The following GPR89B variants were observed in gnomAD, a reference collection of about 807,000 sequenced individuals.
GPR89B encodes golgi pH regulator B.
GPR89B carries 25 observed loss-of-function variants against 52.4 expected under a neutral mutation model. That is an observed-to-expected ratio of 0.48 (90% CI 0.35 to 0.67). GPR89B has a LOEUF of 0.67. Among genes scored for constraint, GPR89B ranks in the 30% least tolerant of loss-of-function variants. The pLI is 0.01. For synonymous variants in GPR89B, 52 were observed against 151.2 expected (o/e 0.34, Z 4.81); for missense variants, 146 against 450.2 (o/e 0.32, Z 6.11).
At chr1:147,976,778 G>A (rs1657856959) in intron 10 of GPR89B, among the ~76,000 whole-genome samples, 12 of 151,940 alleles carry the variant, frequency 7.9e-5, no homozygotes. Flanking sequence ...GTAGTGGCTG[G>A]TAATAGTTTT....
chr1:147,997,442 C>T (rs1409939532), downstream of GPR89B, among the ~76,000 whole-genome samples: 34 of 152,112 alleles, frequency 2.2e-4, no homozygotes, highest in Non-Finnish European at 2.4e-4. Context: ...CCTGGTTCTC[C>T]GGCCTTTGGA....
chr1:148,009,963 A>G, the GPR89B span, among the ~76,000 whole-genome samples: 2 of 151,358 alleles, frequency 1.3e-5, no homozygotes, highest in South Asian at 2.1e-4. Context: ...CATTCACCCT[A>G]TGAGTTAAAC....
At position 147,970,584 on chromosome 1, in the gene GPR89B, A is replaced by G. The variant is rs1175330857; in HGVS notation, c.909+625A>G. Among the ~76,000 whole-genome samples, 19 of 144,604 alleles carry G rather than the reference A, an allele frequency of 1.3e-4. 1 individual carries two copies. The South Asian group carries it at 3.1e-3, about 23-fold the overall frequency. The allele number at this position is 144,604 out of a possible 152,430, so 94.9% of individuals were successfully genotyped here. On this transcript the variant is annotated intron_variant, in intron 10 of 13. Coordinates refer to ENST00000314163, the MANE Select transcript of GPR89B (RefSeq NM_016334.5). ...CTCTCTCTCTCTATATATATATAGA[A>G]TGTGAACATTTCTTATTTTGCATTC... is the stretch of plus-strand genomic sequence containing the variant.
At chr1:147,962,477 A>G (rs1385321294) in intron 7 of GPR89B, among the ~76,000 whole-genome samples, 3 of 151,496 alleles carry the variant, frequency 2.0e-5, no homozygotes, top group Non-Finnish European at 4.4e-5. Flanking sequence ...ACACCCAGCT[A>G]ATTTTTGACA....
intron 5 of GPR89B, among the ~76,000 whole-genome samples, chr1:147,950,083 A>C (rs1176770677): frequency 4.4e-5 from 6 of 137,662 alleles, no homozygotes; most frequent in Non-Finnish European, 7.8e-5. Context: ...TGATCCCCCC[A>C]CCTCCCTCCC....
At chr1:147,984,875 T>C (rs1343838179) in intron 10 of GPR89B, among the ~76,000 whole-genome samples, 3 of 152,126 alleles carry the variant, frequency 2.0e-5, no homozygotes, top group Non-Finnish European at 4.4e-5. Flanking sequence ...TTTTGTATGA[T>C]ATGAATCTTT....
At chr1:147,988,908 A>G (rs1658861134) in intron 12 of GPR89B, among the ~76,000 whole-genome samples, 1 of 140,296 alleles carries the variant, frequency 7.1e-6, no homozygotes, top group African/African-American at 2.7e-5. Context: ...TACCTCATTA[A>G]GAATTCTGCC....
chr1:147,949,497 C>G (rs1553250460), intron 5 of GPR89B, among the ~76,000 whole-genome samples: 1 of 124,088 alleles, frequency 8.1e-6, no homozygotes, highest in Non-Finnish European at 1.7e-5. Flanking sequence ...GGCAGAGGGG[C>G]TCCTCACTTC....
At chr1:148,019,538 G>A in the GPR89B span, among the ~76,000 whole-genome samples, 4,774 of 151,904 alleles carry the variant, frequency 0.031, 327 homozygotes, top group African/African-American at 0.11. Flanking sequence ...AGGTTTACCT[G>A]TGAGACAAAC....
chr1:147,947,166 C>A (rs1655043715), intron 5 of GPR89B, among the ~76,000 whole-genome samples: 1 of 152,044 alleles, frequency 6.6e-6, no homozygotes, highest in African/African-American at 2.4e-5. Context: ...AAAACCCCGT[C>A]TGTACTAAAA....
At chr1:147,992,427 T>C (rs1659135331) in intron 12 of GPR89B, 75 bp from the exon 13 acceptor site, 12 of 1,453,270 alleles carry the variant, frequency 8.3e-6, no homozygotes, top group Non-Finnish European at 1.1e-5. Context: ...AATCAAATGT[T>C]AACCATATTT....
intron 3 of GPR89B, among the ~76,000 whole-genome samples, 159 bp from the exon 4 acceptor site, chr1:147,943,279 A>G (rs1163618737): frequency 6.6e-6 from 1 of 152,140 alleles, no homozygotes; most frequent in Admixed American, 6.5e-5. Flanking sequence ...GTATTTTTTA[A>G]TCTCTACAAA....
intron 3 of GPR89B, among the ~76,000 whole-genome samples, chr1:147,940,772 T>C (rs1303853426): frequency 6.6e-6 from 1 of 152,006 alleles, no homozygotes; most frequent in Non-Finnish European, 1.5e-5. Context: ...CATCTAAATA[T>C]TGATACAGAG....
rs55649899 is a variant in GPR89B at position 147,931,585 on chromosome 1, CT to C, written c.42+3019del. On this transcript the variant is annotated intron_variant, in intron 1 of 13. Transcript: ENST00000314163. ...TTGTGTGTGTGTGTGTAGTTTAAGTCTTTTTTTTTTTTCAACTTTTATTTTA... is the reference window on the plus strand; with the variant it reads ...TTGTGTGTGTGTGTGTAGTTTAAGTCTTTTTTTTTTTCAACTTTTATTTTA... 7.6e-3 allele frequency among the ~76,000 whole-genome samples: 1,050 copies of C among 137,674 alleles called. 9 individuals carry two copies. The highest frequency in any genetic ancestry group is 0.021 in the African/African-American group (799 of 37,524). 90.3% of individuals were successfully genotyped at this position (137,674 alleles called of 152,430 possible).
intron 7 of GPR89B, among the ~76,000 whole-genome samples, chr1:147,962,336 A>G (rs1656642011): frequency 6.6e-6 from 1 of 151,120 alleles, no homozygotes; most frequent in African/African-American, 2.4e-5. Flanking sequence ...AGACAGAAGA[A>G]TTGCTTGAAT....
intron 10 of GPR89B, among the ~76,000 whole-genome samples, chr1:147,980,846 A>AAAAAAAAG (rs1658193554): frequency 6.8e-6 from 1 of 147,638 alleles, no homozygotes; most frequent in African/African-American, 2.5e-5. Flanking sequence ...AAAAAAAAAA[A>AAAAAAAAG]GAAATTCCAT....
At chr1:147,947,333 C>CAAAA (rs1167267658) in intron 5 of GPR89B, among the ~76,000 whole-genome samples, 5 of 73,598 alleles carry the variant, frequency 6.8e-5, no homozygotes, top group East Asian at 3.7e-4. Flanking sequence ...GCGAGACTCT[C>CAAAA]AAAAAAAAAA....
chr1:147,954,648 C>T (rs1317121546), intron 7 of GPR89B, among the ~76,000 whole-genome samples: 3 of 151,948 alleles, frequency 2.0e-5, no homozygotes, highest in Non-Finnish European at 4.4e-5. Context: ...TGAGACCCCA[C>T]CCCTTTAAAA....
the GPR89B span, chr1:148,010,505 G>A: frequency 1.3e-5 from 2 of 152,342 alleles, no homozygotes; most frequent in East Asian, 3.9e-4. Flanking sequence ...AAGATACTTG[G>A]CTTTTTCACA....
Sources: allele counts gnomAD v4.1 joint callset (sites outside exome capture counted in the v4.1 genomes callset), GRCh38; gene constraint gnomAD v4.1.1; transcripts MANE v1.5; gene names NCBI Gene and HGNC (gene_info 2026-07-23, HGNC 2026-07-21).